CCDC88C: variants seen among roughly 807,000 people sequenced by gnomAD.
The protein encoded by CCDC88C is protein Daple.
Under a neutral mutation model 198.8 loss-of-function variants are expected in CCDC88C, and 131 were observed. The ratio of observed to expected loss-of-function variants is 0.66; its 90% CI spans 0.57 to 0.76. The LOEUF is 0.76. Ranked by LOEUF, CCDC88C falls within the 30% of genes least tolerant of loss-of-function variation. The pLI is 0.00. For synonymous variants in CCDC88C, 1,166 were observed against 1,114.7 expected (o/e 1.05, Z -0.92); for missense variants, 2,553 against 2,631.6 (o/e 0.97, Z 0.65).
chr14:91,329,055 C>G (rs1177475158), intron 10 of CCDC88C, among the ~76,000 whole-genome samples: 1 of 152,182 alleles, frequency 6.6e-6, no homozygotes, highest in African/African-American at 2.4e-5. Context: ...TCTGGGTCAG[C>G]TGACTCAGGG....
At chr14:91,406,218 G>T (rs1486403242) in intron 3 of CCDC88C, among the ~76,000 whole-genome samples, 1 of 152,226 alleles carries the variant, frequency 6.6e-6, no homozygotes, top group Non-Finnish European at 1.5e-5. Context: ...TGGACCCTCA[G>T]AGTGGCTGGT....
At chr14:91,283,968 T>G (rs960493088) in intron 25 of CCDC88C, among the ~76,000 whole-genome samples, 58 of 152,340 alleles carry the variant, frequency 3.8e-4, no homozygotes, top group African/African-American at 1.4e-3. Context: ...AAATAGAAGT[T>G]TATTGCTAAC....
At chr14:91,394,809 A>C in intron 3 of CCDC88C, among the ~76,000 whole-genome samples, 1 of 152,248 alleles carries the variant, frequency 6.6e-6, no homozygotes, top group South Asian at 2.1e-4. Context: ...AGACAGGCAC[A>C]CGTGCACACT....
chr14:91,336,144 T>C (rs1037185320), intron 10 of CCDC88C, among the ~76,000 whole-genome samples: 13 of 152,208 alleles, frequency 8.5e-5, no homozygotes, highest in African/African-American at 7.2e-5. Flanking sequence ...TGAAAAATAC[T>C]TGTCACTTCA....
Position 91,391,257 on chromosome 14 carries a change from C to A in CCDC88C, c.270+17402G>T, listed in dbSNP as rs373576504. On this transcript the variant is annotated intron_variant, in intron 3 of 29. Coordinates refer to ENST00000389857, the MANE Select transcript of CCDC88C (RefSeq NM_001080414.4). ...TCTTCCTGCTAAAAACAAAACAAAA[C>A]AAAAAAAAAAACCCACTGGGTGCCC... Among the ~76,000 whole-genome samples the A allele has an allele frequency of 4.9e-3, 703 of 142,042 alleles. 4 individuals are homozygous for A. The highest frequency in any genetic ancestry group is 7.3e-3 in the Middle Eastern group (2 of 274). The allele number at this position is 142,042 out of a possible 152,430, so 93.2% of individuals were successfully genotyped here. A position where few individuals can be genotyped will look rare whatever the true frequency, so the allele number is the denominator to read the frequency against.
chr14:91,383,645 C>A (rs1185701039), intron 3 of CCDC88C, among the ~76,000 whole-genome samples: 1 of 152,100 alleles, frequency 6.6e-6, no homozygotes, highest in East Asian at 1.9e-4. Context: ...AGTGTGGGGA[C>A]CGGATGAATG....
At chr14:91,403,114 G>A (rs144908069) in intron 3 of CCDC88C, among the ~76,000 whole-genome samples, 5 of 152,346 alleles carry the variant, frequency 3.3e-5, no homozygotes, top group Non-Finnish European at 5.9e-5. Context: ...GAGAAGGAGA[G>A]CAGCCCGCCC....
Position 91,417,747 on chromosome 14 carries a change from G to A in CCDC88C, c.-57C>T, listed in dbSNP as rs2140029833. On this transcript the variant is annotated 5_prime_UTR_variant, in exon 1 of 30. Coordinates refer to ENST00000389857, the MANE Select transcript of CCDC88C (RefSeq NM_001080414.4). ...CCGCCCCGCGTCCCCGTTCCCCCGC[G>A]CCGCGGCACAAAACGGCTCCGCAGC... is the stretch of plus-strand genomic sequence containing the variant. 2.8e-6 allele frequency: 4 copies of A among 1,413,450 alleles called. No individual in the cohort carries two copies. In the East Asian group the frequency reaches 1.2e-4, roughly 44 times the overall value. The allele number at this position is 1,413,450 out of a possible 1,614,324, so 87.6% of individuals were successfully genotyped here.
intron 10 of CCDC88C, among the ~76,000 whole-genome samples, chr14:91,332,278 C>T (rs534677116): frequency 6.6e-6 from 1 of 152,310 alleles, no homozygotes; most frequent in East Asian, 1.9e-4. Context: ...AACCCCCATG[C>T]CCTGGACAGC....
intron 2 of CCDC88C, among the ~76,000 whole-genome samples, chr14:91,416,208 T>C (rs1887038336): frequency 6.6e-6 from 1 of 152,158 alleles, no homozygotes; most frequent in African/African-American, 2.4e-5. Context: ...CTCCTAACAC[T>C]GTGACTTTAA....
rs372870310 is a variant in CCDC88C at position 91,275,860 on chromosome 14, C to T, written c.5058+2062G>A. On this transcript the variant is annotated intron_variant, in intron 29 of 29. Coordinates refer to ENST00000389857, the MANE Select transcript of CCDC88C (RefSeq NM_001080414.4). ...TTTTTGAGACGGAGTTTCGCTCTGT[C>T]GCCCAGGCTGGAGTGCAGTGGCGCG... is the stretch of plus-strand genomic sequence containing the variant. 2.7e-3 allele frequency among the ~76,000 whole-genome samples: 281 copies of T among 104,996 alleles called. 3 individuals are homozygous for T. Among genetic ancestry groups the T allele is most frequent in the African/African-American group, 0.01 (272 of 25,932 alleles). The allele number at this position is 104,996 out of a possible 152,430, so 68.9% of individuals were successfully genotyped here. A position where few individuals can be genotyped will look rare whatever the true frequency, so the allele number is the denominator to read the frequency against.
intron 3 of CCDC88C, among the ~76,000 whole-genome samples, chr14:91,393,938 A>C (rs1258455329): frequency 3.3e-5 from 5 of 152,264 alleles, no homozygotes; most frequent in Non-Finnish European, 7.3e-5. Context: ...GTGCTAGAAG[A>C]CCAATTGAGC....
intron 4 of CCDC88C, among the ~76,000 whole-genome samples, chr14:91,349,851 T>C (rs1893706173): frequency 6.6e-6 from 1 of 152,326 alleles, no homozygotes; most frequent in South Asian, 2.1e-4. Context: ...GAGGTGAGGA[T>C]AGAAAAGTAG....
chr14:91,392,367 T>G (rs1376679021), intron 3 of CCDC88C, among the ~76,000 whole-genome samples: 1 of 151,996 alleles, frequency 6.6e-6, no homozygotes, highest in Non-Finnish European at 1.5e-5. Flanking sequence ...GACATGGAGC[T>G]CCGAGGGGCT....
intron 3 of CCDC88C, among the ~76,000 whole-genome samples, chr14:91,377,273 T>C (rs1264219687): frequency 6.6e-6 from 1 of 152,120 alleles, no homozygotes; most frequent in African/African-American, 2.4e-5. Context: ...GGCTGAGACA[T>C]GAGCTTACTC....
At chr14:91,275,819 T>TTTC (rs970590740) in intron 29 of CCDC88C, among the ~76,000 whole-genome samples, 1 of 5,404 alleles carries the variant, frequency 1.9e-4, no homozygotes, top group African/African-American at 2.2e-3. Context: ...CCAGTGGTTC[T>TTTC]TTTTTTTTTT....
At chr14:91,311,914 A>G (rs1276184178) in intron 15 of CCDC88C, among the ~76,000 whole-genome samples, 2 of 152,220 alleles carry the variant, frequency 1.3e-5, no homozygotes, top group Admixed American at 1.3e-4. Flanking sequence ...TATTATTTAA[A>G]ATAGTGGAAA....
At position 91,283,395 on chromosome 14, in the gene CCDC88C, T is replaced by C. The variant is rs777852000; in HGVS notation, c.4564A>G (p.Thr1522Ala). ...GAAGGGGCTGTAGTGGTGGCTGAAG[T>C]TGAGCAAGTCCGGGAGCCCAGCTCC... is the stretch of plus-strand genomic sequence containing the variant. ...PSELGSRTCS[T>A]SATTTAPSNS... Residue 1522 changes from threonine to alanine, a missense_variant, in exon 26 of 30, where the codon ACT becomes GCT. Physicochemically the swap from Thr to Ala is moderately conservative, Grantham distance 58. Coordinates refer to ENST00000389857, the MANE Select transcript of CCDC88C (RefSeq NM_001080414.4). The C allele has an allele frequency of 3.7e-6, 6 of 1,613,760 alleles. No homozygotes were observed. Among genetic ancestry groups the C allele is most frequent in the Admixed American group, 1.7e-5 (1 of 59,988 alleles).
intron 10 of CCDC88C, among the ~76,000 whole-genome samples, chr14:91,336,295 C>T (rs1422503454): frequency 2.0e-5 from 3 of 152,176 alleles, no homozygotes; most frequent in African/African-American, 4.8e-5. Context: ...GCTGGGCAGA[C>T]GCGTCTATGT....
Sources: gnomAD v4.1 joint callset for allele counts (sites outside exome capture counted in the v4.1 genomes callset) on GRCh38, gnomAD v4.1.1 for gene constraint, MANE v1.5 for transcripts, NCBI Gene and HGNC (gene_info 2026-07-23, HGNC 2026-07-21) for gene names.